The following SYTL1 variants were observed in gnomAD, a reference collection of about 807,000 sequenced individuals.
SYTL1 encodes synaptotagmin like 1.
A neutral mutation model predicts 74.6 loss-of-function variants in SYTL1; 53 were observed. The ratio of observed to expected loss-of-function variants is 0.71; its 90% CI spans 0.57 to 0.89. The LOEUF is 0.89. SYTL1 is among the 40% of genes least tolerant of loss of function. The pLI is 0.00. For missense variants in SYTL1, 728 were observed against 768.7 expected (o/e 0.95, Z 0.63); for synonymous variants, 329 against 324.9 (o/e 1.01, Z -0.14).
chr1:27,348,142 C>T lies in SYTL1; in HGVS notation c.459+130C>T. On this transcript the variant is annotated intron_variant, in intron 5 of 14. Transcript: ENST00000616558. The surrounding 1 kb of genome is among the most constrained non-coding windows in gnomAD (Gnocchi z 4.1). ...GAAATGTTCCTTCCTGTGTCTGCAC[C>T]TCATCACCTCCTGGGTGGAACAGTG... The T allele has an allele frequency of 2.0e-5, 17 of 847,920 alleles. No individual in the cohort carries two copies. The South Asian group carries it at 2.5e-4, about 13-fold the overall frequency. 52.5% of individuals were successfully genotyped at this position (847,920 alleles called of 1,614,324 possible). A position where few individuals can be genotyped will look rare whatever the true frequency, so the allele number is the denominator to read the frequency against.
At chr1:27,349,035 C>T (rs745961625) in intron 5 of SYTL1, 45 bp from the exon 6 acceptor site, 25 of 1,486,318 alleles carry the variant, frequency 1.7e-5, no homozygotes, top group Admixed American at 5.3e-5. Flanking sequence ...TGACCTCTTC[C>T]TCACCAGCCC....
At chr1:27,353,238 G>A (rs1448812680) in intron 13 of SYTL1, 45 bp from the exon 14 acceptor site, 1 of 1,541,088 alleles carries the variant, frequency 6.5e-7, no homozygotes, top group Non-Finnish European at 8.8e-7. Flanking sequence ...ATGACTCTAG[G>A]GAGTGTGAGG....
chr1:27,349,523 C>A, intron 7 of SYTL1, 25 bp downstream of exon 7: 1 of 1,459,300 alleles, frequency 6.9e-7, no homozygotes, highest in South Asian at 1.4e-5. Flanking sequence ...CCCGTGGCTG[C>A]TCTCAACATC....
intron 7 of SYTL1, 32 bp downstream of exon 7, chr1:27,349,530 C>A: frequency 6.8e-7 from 1 of 1,460,838 alleles, no homozygotes; most frequent in South Asian, 1.4e-5. Flanking sequence ...CTGCTCTCAA[C>A]ATCCGGAGCG....
At position 27,342,534 on chromosome 1, in the gene SYTL1, C is replaced by T. The variant is rs537342890; in HGVS notation, c.-39+384C>T. On this transcript the variant is annotated intron_variant, in intron 1 of 14. Coordinates refer to ENST00000616558, the MANE Select transcript of SYTL1 (RefSeq NM_001193308.2). The surrounding 1 kb of genome is among the most constrained non-coding windows in gnomAD (Gnocchi z 4.7). ...GCCTCCATCCACACTCAGACACACA[C>T]ACCTGGTGGCCCCCAAGGCACCAGG... is the stretch of plus-strand genomic sequence containing the variant. Among the ~76,000 whole-genome samples the T allele has an allele frequency of 3.3e-5, 5 of 152,300 alleles. No homozygotes were observed. The highest frequency in any genetic ancestry group is 2.1e-4 in the South Asian group (1 of 4,828).
rs1270067038 is a variant in SYTL1 at position 27,348,635 on chromosome 1, A to G, written c.460-445A>G. Among the ~76,000 whole-genome samples, 2 of 152,110 alleles carry G rather than the reference A, an allele frequency of 1.3e-5. No homozygotes were observed. Among genetic ancestry groups the G allele is most frequent in the Non-Finnish European group, 2.9e-5 (2 of 68,016 alleles). On this transcript the variant is annotated intron_variant, in intron 5 of 14. Coordinates refer to ENST00000616558, the MANE Select transcript of SYTL1 (RefSeq NM_001193308.2). The surrounding 1 kb of genome is among the most constrained non-coding windows in gnomAD (Gnocchi z 4.1). ...GGCAGGAGAATCGCTTGAACCCAGG[A>G]GGCGGAGGTTGCAGTGAGCCAAGAT...
rs1415876964 is a variant in SYTL1 at position 27,345,551 on chromosome 1, G to A, written c.191+26G>A. The stretch of plus-strand genomic sequence containing the variant: ...GTAAGGCAGGGCAGACCCTGGCCGG[G>A]GAGCACCAAGAGGCTTGAGTGGCCC... On this transcript the variant is annotated intron_variant, in intron 2 of 14. Transcript: ENST00000616558. This position sits in a 1 kb window ranked among gnomAD's most constrained non-coding sequence, Gnocchi z 6.0. 2.0e-6 allele frequency: 3 copies of A among 1,501,750 alleles called. No homozygotes were observed. Among genetic ancestry groups the A allele is most frequent in the South Asian group, 2.5e-5 (2 of 79,998 alleles). 93.0% of individuals were successfully genotyped at this position (1,501,750 alleles called of 1,614,324 possible). A position where few individuals can be genotyped will look rare whatever the true frequency, so the allele number is the denominator to read the frequency against.
chr1:27,346,086 C>T (rs527888738), intron 2 of SYTL1, among the ~76,000 whole-genome samples: 16 of 152,182 alleles, frequency 1.1e-4, no homozygotes, highest in African/African-American at 1.4e-4. Flanking sequence ...TGGCCAGATC[C>T]GTCCTTAATA....
At chr1:27,344,906 G>A (rs1322683936) in intron 1 of SYTL1, 1 of 154,240 alleles carries the variant, frequency 6.5e-6, no homozygotes, top group Admixed American at 6.6e-5. Context: ...ATGGGTCCGG[G>A]TCTGTGTCTG....
At position 27,352,868 on chromosome 1, in the gene SYTL1, C is replaced by G. The variant is rs1031123960; in HGVS notation, c.1344-415C>G. ...TGGTGTGATTTCAGCTCACTGCAGCCGCAGTCTCCTGGGCTCCAACGATTC... is the reference window on the plus strand; with the variant it reads ...TGGTGTGATTTCAGCTCACTGCAGCGGCAGTCTCCTGGGCTCCAACGATTC... On this transcript the variant is annotated intron_variant, in intron 13 of 14. Coordinates refer to ENST00000616558, the MANE Select transcript of SYTL1 (RefSeq NM_001193308.2). 1.5e-5 allele frequency: 3 copies of G among 206,208 alleles called. No homozygotes were observed. In the Admixed American group the frequency reaches 1.6e-4, roughly 11 times the overall value. The allele number at this position is 206,208 out of a possible 1,614,324, so 12.8% of individuals were successfully genotyped here. A position where few individuals can be genotyped will look rare whatever the true frequency, so the allele number is the denominator to read the frequency against.
chr1:27,344,075 C>T (rs1221435210), intron 1 of SYTL1, among the ~76,000 whole-genome samples: 1 of 152,076 alleles, frequency 6.6e-6, no homozygotes, highest in East Asian at 1.9e-4. Flanking sequence ...GAATTACAGG[C>T]ATGTACCACC....
rs1183996266 is a variant in SYTL1, at chr1:27,345,284, G to A, written c.-38-13G>A. 4.4e-6 allele frequency: 6 copies of A among 1,379,286 alleles called. No individual in the cohort carries two copies. The highest frequency in any genetic ancestry group is 3.8e-6 in the Non-Finnish European group (4 of 1,043,154). 85.4% of individuals were successfully genotyped at this position (1,379,286 alleles called of 1,614,324 possible). A position where few individuals can be genotyped will look rare whatever the true frequency, so the allele number is the denominator to read the frequency against. ...TTGTGCAGGGCTTGACCTGACCCTC[G>A]GTCTGCCCCCAGGAAGCTCCGTGTG... On this transcript the variant is annotated splice_polypyrimidine_tract_variant and intron_variant, in intron 1 of 14. Coordinates refer to ENST00000616558, the MANE Select transcript of SYTL1 (RefSeq NM_001193308.2). The surrounding 1 kb of genome is among the most constrained non-coding windows in gnomAD (Gnocchi z 6.0).
chr1:27,353,285 TCGTGCTG>T lies in SYTL1; in HGVS notation c.1348_1354del (p.Val450LeufsTer?). On this transcript the variant is annotated frameshift_variant, in exon 14 of 15. Coordinates refer to ENST00000616558, the MANE Select transcript of SYTL1 (RefSeq NM_001193308.2). LOFTEE classifies it high-confidence loss of function. ...ATGCCAGGCCACCTCCCGCACAGCT[TCGTGCTG>T]CCTGATGACAGCCAGGCCAGCCGCC... 3.1e-6 allele frequency: 5 copies of T among 1,588,438 alleles called. No individual in the cohort carries two copies. Among genetic ancestry groups the T allele is most frequent in the Non-Finnish European group, 4.3e-6 (5 of 1,167,714 alleles).
In SYTL1 at chr1:27,350,724, T is replaced by G; in HGVS notation, c.1006-70T>G. ...TGGTAGGAACGCGGTAGGACCTGCC[T>G]CAGCCAACTCGCGCAGCATCTACGC... On this transcript the variant is annotated intron_variant, in intron 10 of 14. Coordinates refer to ENST00000616558, the MANE Select transcript of SYTL1 (RefSeq NM_001193308.2). The surrounding 1 kb of genome is among the most constrained non-coding windows in gnomAD (Gnocchi z 6.3). The G allele has an allele frequency of 1.3e-6, 2 of 1,565,288 alleles. No homozygotes were observed. Among genetic ancestry groups the G allele is most frequent in the Non-Finnish European group, 1.7e-6 (2 of 1,147,338 alleles).
rs777456735 is a variant in SYTL1 at position 27,353,831 on chromosome 1, C to T, written c.1668C>T (p.Thr556=). 6.2e-7 allele frequency: 1 copy of T among 1,613,774 alleles called. No individual in the cohort carries two copies. Among genetic ancestry groups the T allele is most frequent in the South Asian group, 1.1e-5 (1 of 91,074 alleles). The change falls in exon 15 of 15, where the codon ACC becomes ACT. Residue 556 remains threonine, a synonymous_variant. Coordinates refer to ENST00000616558, the MANE Select transcript of SYTL1 (RefSeq NM_001193308.2). ...EWVDGLLPLR[T]NLAPRT is the part of the protein sequence containing the mutation. ...TGGATGGCCTTCTACCCCTCAGAACCAACCTGGCCCCCAGGACGTAGCCCC... is the reference window on the plus strand; with the variant it reads ...TGGATGGCCTTCTACCCCTCAGAACTAACCTGGCCCCCAGGACGTAGCCCC...
chr1:27,349,492 A>C lies in SYTL1; in HGVS notation c.627A>C (p.Gln209His). Residue 209 changes from glutamine (Q) to histidine (H), a missense_variant, in exon 7 of 15, where the codon CAA becomes CAC. Transcript: ENST00000616558. ...GAGAGCAGGAGCCGCGGCCCCAGCAAGCCCAGGTAGGCGGGAGTGGCCCGT... is the reference window on the plus strand; with the variant it reads ...GAGAGCAGGAGCCGCGGCCCCAGCACGCCCAGGTAGGCGGGAGTGGCCCGT... ...SGGEQEPRPQQAQTKAASQIL... is the reference protein window; with the variant it reads ...SGGEQEPRPQHAQTKAASQIL... 1.4e-6 allele frequency: 2 copies of C among 1,449,232 alleles called. No homozygotes were observed. The highest frequency in any genetic ancestry group is 1.8e-6 in the Non-Finnish European group (2 of 1,100,512). 89.8% of individuals were successfully genotyped at this position (1,449,232 alleles called of 1,614,324 possible). A position where few individuals can be genotyped will look rare whatever the true frequency, so the allele number is the denominator to read the frequency against.
chr1:27,350,543 G>A lies in SYTL1; in HGVS notation c.1005+58G>A, dbSNP rs2015221749. On this transcript the variant is annotated intron_variant, in intron 10 of 14. Transcript: ENST00000616558. This position sits in a 1 kb window ranked among gnomAD's most constrained non-coding sequence, Gnocchi z 6.3. Reference sequence around the variant, plus strand: ...AATGAACTGGACGCCCCCTTCCTGCGGGGCTAGGTGGCAAGGGCAGCCAGT... The same window carrying A: ...AATGAACTGGACGCCCCCTTCCTGCAGGGCTAGGTGGCAAGGGCAGCCAGT... 3 of 1,433,572 alleles carry A rather than the reference G, an allele frequency of 2.1e-6. No homozygotes were observed. The highest frequency in any genetic ancestry group is 1.2e-5 in the South Asian group (1 of 83,922). 88.8% of individuals were successfully genotyped at this position (1,433,572 alleles called of 1,614,324 possible).
rs12567637 is a variant in SYTL1, at chr1:27,345,207, G to A, written c.-38-90G>A. ...CTGGGGTGGCACCCTACCCATACCC[G>A]GCCAAGTGTTTGGGGAGAAAAGGGC... On this transcript the variant is annotated intron_variant, in intron 1 of 14. Transcript: ENST00000616558. The surrounding 1 kb of genome is among the most constrained non-coding windows in gnomAD (Gnocchi z 6.0). 0.015 allele frequency: 10,321 copies of A among 706,764 alleles called. 100 individuals carry two copies. The highest frequency in any genetic ancestry group is 0.021 in the Admixed American group (587 of 28,556). The allele number at this position is 706,764 out of a possible 1,614,324, so 43.8% of individuals were successfully genotyped here.
In SYTL1 at chr1:27,348,572, T is replaced by C. The variant is rs2015100425; in HGVS notation, c.460-508T>C. On this transcript the variant is annotated intron_variant, in intron 5 of 14. Transcript: ENST00000616558. This position sits in a 1 kb window ranked among gnomAD's most constrained non-coding sequence, Gnocchi z 4.1. ...AAAATACAAAATTAGCTGGGCATGA[T>C]GGTGCATAACCTGGAATCTCAGCTA... Among the ~76,000 whole-genome samples, 1 of 152,052 alleles carries C rather than the reference T, an allele frequency of 6.6e-6. No individual in the cohort carries two copies. Among genetic ancestry groups the C allele is most frequent in the African/African-American group, 2.4e-5 (1 of 41,380 alleles).
Sources: gnomAD v4.1 joint callset for allele counts (sites outside exome capture counted in the v4.1 genomes callset) on GRCh38, gnomAD v4.1.1 for gene constraint, Gnocchi (gnomAD v3.1) non-coding constraint, MANE v1.5 for transcripts, NCBI Gene and HGNC (gene_info 2026-07-23, HGNC 2026-07-21) for gene names.